Variants in KCTD8 observed in about 807,000 individuals in gnomAD.
The protein encoded by KCTD8 is BTB/POZ domain-containing protein KCTD8.
KCTD8 carries 27 observed loss-of-function variants against 31.5 expected under a neutral mutation model. That is an observed-to-expected ratio of 0.86 (90% CI 0.63 to 1.18). The LOEUF (loss-of-function observed/expected upper bound fraction) is 1.18. KCTD8 is among the 50% of genes most tolerant of loss of function. The probability of loss-of-function intolerance (pLI) is 0.00; values close to 1 mark genes in which losing one functional copy is unlikely to be tolerated. For missense variants in KCTD8, 658 were observed against 647.7 expected (o/e 1.02, Z -0.17); for synonymous variants, 290 against 280.0 (o/e 1.04, Z -0.36).
At chr4:44,201,266 C>A (rs1714141967) in intron 1 of KCTD8, among the ~76,000 whole-genome samples, 2 of 152,122 alleles carry the variant, frequency 1.3e-5, no homozygotes, top group East Asian at 3.9e-4. Context: ...TATATTATAT[C>A]AAACTACCAA....
At chr4:44,217,564 C>T (rs1399700888) in intron 1 of KCTD8, among the ~76,000 whole-genome samples, 1 of 152,158 alleles carries the variant, frequency 6.6e-6, no homozygotes, top group Non-Finnish European at 1.5e-5. Flanking sequence ...TGTGAGGGTG[C>T]TGCCAGAGAA....
intron 1 of KCTD8, among the ~76,000 whole-genome samples, chr4:44,200,515 A>G (rs1220241639): frequency 6.6e-6 from 1 of 152,146 alleles, no homozygotes; most frequent in African/African-American, 2.4e-5. Context: ...AAATAAATCA[A>G]TAAATGTGAT....
Position 44,447,865 on chromosome 4 carries a change from A to AG in KCTD8, c.658_659insC (p.Val220AlafsTer62), listed in dbSNP as rs1721986292. ...TTTGGCGTCGGCCTGGTTGTCGCGC[A>AG]CGGTGGTGTAGGAGCCCCGGTAGCC... On this transcript the variant is annotated frameshift_variant, in exon 1 of 2. Transcript: ENST00000360029. LOFTEE classifies it high-confidence loss of function. The AG allele has an allele frequency of 6.4e-7, 1 of 1,570,296 alleles. No homozygotes were observed. Among genetic ancestry groups the AG allele is most frequent in the African/African-American group, 1.4e-5 (1 of 73,810 alleles).
chr4:44,377,019 T>G (rs945244897), intron 1 of KCTD8, among the ~76,000 whole-genome samples: 1 of 152,148 alleles, frequency 6.6e-6, no homozygotes, highest in Non-Finnish European at 1.5e-5. Flanking sequence ...AAAACATAAA[T>G]GAGGCCCACA....
At chr4:44,287,193 G>C (rs993944719) in intron 1 of KCTD8, among the ~76,000 whole-genome samples, 1 of 152,044 alleles carries the variant, frequency 6.6e-6, no homozygotes, top group Non-Finnish European at 1.5e-5. Flanking sequence ...GAAGGAGGAG[G>C]AATGCTTGAG....
intron 1 of KCTD8, among the ~76,000 whole-genome samples, chr4:44,194,749 T>TTCCC (rs1264670595): frequency 8.7e-6 from 1 of 114,440 alleles, no homozygotes; most frequent in Non-Finnish European, 1.8e-5. Flanking sequence ...TCTCTCTCCC[T>TTCCC]TCCCTCCCTC....
At chr4:44,375,819 T>A (rs16856865) in intron 1 of KCTD8, among the ~76,000 whole-genome samples, 14,255 of 152,130 alleles carry the variant, frequency 0.094, 1,195 homozygotes, top group African/African-American at 0.2. Flanking sequence ...ATTGTTTGCC[T>A]GTCTTTACTT....
chr4:44,410,453 T>C (rs1353572132), intron 1 of KCTD8, among the ~76,000 whole-genome samples: 2 of 152,232 alleles, frequency 1.3e-5, no homozygotes, highest in Non-Finnish European at 1.5e-5. Flanking sequence ...TCTCATTTTA[T>C]ACTTGGGAAG....
chr4:44,214,254 T>G lies in KCTD8; in HGVS notation c.962-39004A>C, dbSNP rs140633337. On this transcript the variant is annotated intron_variant, in intron 1 of 1. Coordinates refer to ENST00000360029, the MANE Select transcript of KCTD8 (RefSeq NM_198353.3). ...GTTAATCTGTTTTATGTCAATTTAG[T>G]TTGTAGCCCAGCCAAAGGAGCTAGG... Among the ~76,000 whole-genome samples the G allele has an allele frequency of 2.6e-5, 4 of 152,310 alleles. No homozygotes were observed. In the East Asian group the frequency reaches 7.7e-4, roughly 29 times the overall value.
intron 1 of KCTD8, among the ~76,000 whole-genome samples, chr4:44,422,234 T>A (rs923506433): frequency 6.6e-6 from 1 of 152,090 alleles, no homozygotes; most frequent in African/African-American, 2.4e-5. Context: ...TCAAATTTTG[T>A]TGTTAGAAAA....
intron 1 of KCTD8, among the ~76,000 whole-genome samples, chr4:44,187,819 G>T (rs1203487268): frequency 2.0e-5 from 3 of 152,076 alleles, no homozygotes; most frequent in East Asian, 3.8e-4. Context: ...TGAGGGCTGT[G>T]TATAACAAAT....
At chr4:44,438,918 T>G (rs1398375153) in intron 1 of KCTD8, among the ~76,000 whole-genome samples, 1 of 152,238 alleles carries the variant, frequency 6.6e-6, no homozygotes, top group African/African-American at 2.4e-5. Context: ...AACAAAGCTT[T>G]AAAGTGAATA....
intron 1 of KCTD8, among the ~76,000 whole-genome samples, chr4:44,411,381 A>AAAC (rs1347485785): frequency 1.4e-4 from 21 of 149,170 alleles, no homozygotes; most frequent in Non-Finnish European, 2.1e-4. Context: ...CTGTCTCAAA[A>AAAC]AAAAAAAAAA....
Position 44,193,843 on chromosome 4 carries a change from A to T in KCTD8, c.962-18593T>A, listed in dbSNP as rs142933102. Among the ~76,000 whole-genome samples the T allele has an allele frequency of 2.1e-3, 323 of 152,250 alleles. 1 individual carries two copies. The highest frequency in any genetic ancestry group is 7.2e-3 in the African/African-American group (300 of 41,570). ...GACATGCATATTTCTGTGAATTCAGACCAATAAAAAGGCTGTTTTATATTA... is the reference window on the plus strand; with the variant it reads ...GACATGCATATTTCTGTGAATTCAGTCCAATAAAAAGGCTGTTTTATATTA... On this transcript the variant is annotated intron_variant, in intron 1 of 1. Coordinates refer to ENST00000360029, the MANE Select transcript of KCTD8 (RefSeq NM_198353.3).
intron 1 of KCTD8, among the ~76,000 whole-genome samples, chr4:44,397,942 T>A (rs1720550372): frequency 6.6e-6 from 1 of 152,152 alleles, no homozygotes. Context: ...ATTTACTTTT[T>A]TTAAAAAAAC....
At chr4:44,430,612 TG>T (rs1431877903) in intron 1 of KCTD8, among the ~76,000 whole-genome samples, 2 of 151,614 alleles carry the variant, frequency 1.3e-5, no homozygotes, top group Non-Finnish European at 3.0e-5. Context: ...TGTCTCCCCT[TG>T]GTGATCCTTC....
chr4:44,184,006 A>G (rs1314995048), intron 1 of KCTD8, among the ~76,000 whole-genome samples: 3 of 152,210 alleles, frequency 2.0e-5, no homozygotes, highest in Non-Finnish European at 4.4e-5. Flanking sequence ...TGATTTCACA[A>G]ACATTTACTG....
chr4:44,218,135 T>C (rs981192195), intron 1 of KCTD8, among the ~76,000 whole-genome samples: 2 of 135,638 alleles, frequency 1.5e-5, no homozygotes, highest in African/African-American at 5.7e-5. Context: ...TTTTTTTTTT[T>C]TTTTTTTTTT....
intron 1 of KCTD8, among the ~76,000 whole-genome samples, chr4:44,253,153 C>G (rs540064196): frequency 4.9e-4 from 75 of 151,806 alleles, no homozygotes; most frequent in African/African-American, 1.7e-3. Flanking sequence ...TTCAACTTCA[C>G]TAGAGGTTTA....
Sources: allele counts gnomAD v4.1 joint callset (sites outside exome capture counted in the v4.1 genomes callset), GRCh38; gene constraint gnomAD v4.1.1; transcripts MANE v1.5; gene names NCBI Gene and HGNC (gene_info 2026-07-23, HGNC 2026-07-21).